Variants in ERVW-1 observed in about 807,000 individuals in gnomAD.
ERVW-1 encodes syncytin-1.
ERVW-1 carries 21 observed loss-of-function variants against 16.6 expected under a neutral mutation model. The ratio of observed to expected loss-of-function variants is 1.26; its 90% CI spans 0.90 to 1.82. The LOEUF is 1.82. Among genes scored for constraint, ERVW-1 ranks in the 40% most tolerant of loss-of-function variants. The probability of loss-of-function intolerance (pLI) is 0.00; values close to 1 mark genes in which losing one functional copy is unlikely to be tolerated. For missense variants in ERVW-1, 412 were observed against 300.2 expected (o/e 1.37, Z -2.75); for synonymous variants, 161 against 109.8 (o/e 1.47, Z -2.92).
At chr7:92,471,804 G>A (rs1354027769) in intron 1 of ERVW-1, 1 of 152,218 alleles carries the variant, frequency 6.6e-6, no homozygotes, top group Non-Finnish European at 1.5e-5. Flanking sequence ...TCTCTCAGAA[G>A]TTAGGAATTC....
chr7:92,472,003 C>A (rs1160021862), intron 1 of ERVW-1: 1 of 152,246 alleles, frequency 6.6e-6, no homozygotes, highest in Non-Finnish European at 1.5e-5. Flanking sequence ...CTGACCACTG[C>A]ATACCCCACT....
At chr7:92,474,412 C>T (rs1790460659) in intron 1 of ERVW-1, among the ~76,000 whole-genome samples, 1 of 152,190 alleles carries the variant, frequency 6.6e-6, no homozygotes, top group South Asian at 2.1e-4. Context: ...ATTTTCTTCC[C>T]TTCCCTGTGT....
rs1420763149 is a variant in ERVW-1 at position 92,470,478 on chromosome 7, T to C, written c.-97A>G. 1.7e-6 allele frequency: 1 copy of C among 601,718 alleles called. No individual in the cohort carries two copies. The highest frequency in any genetic ancestry group is 3.1e-5 in the Admixed American group (1 of 31,940). The allele number at this position is 601,718 out of a possible 1,614,324, so 37.3% of individuals were successfully genotyped here. On this transcript the variant is annotated 5_prime_UTR_variant, in exon 2 of 2. Coordinates refer to ENST00000603053, the MANE Select transcript of ERVW-1 (RefSeq NM_001130925.2). ...CACAGGAATAGCTAGCGTTGTCTCCTGGATTTTCAGGTTCCTTTGGCAGTA... is the reference window on the plus strand; with the variant it reads ...CACAGGAATAGCTAGCGTTGTCTCCCGGATTTTCAGGTTCCTTTGGCAGTA...
intron 1 of ERVW-1, among the ~76,000 whole-genome samples, chr7:92,476,639 C>T (rs967506355): frequency 1.7e-4 from 26 of 152,078 alleles, no homozygotes; most frequent in Non-Finnish European, 1.5e-5. Context: ...TTCTGTCTCT[C>T]TCACTGTCTC....
intron 1 of ERVW-1, chr7:92,474,797 A>G (rs1222118828): frequency 6.6e-6 from 1 of 152,182 alleles, no homozygotes; most frequent in South Asian, 2.1e-4. Context: ...AATTTACCTA[A>G]GTCTGTTTTT....
At chr7:92,472,641 G>A (rs1351670936) in intron 1 of ERVW-1, 1 of 152,220 alleles carries the variant, frequency 6.6e-6, no homozygotes, top group African/African-American at 2.4e-5. Context: ...CTTAATTAGT[G>A]TATTTAATGA....
intron 1 of ERVW-1, chr7:92,475,182 G>A (rs1283055098): frequency 6.6e-6 from 1 of 152,120 alleles, no homozygotes; most frequent in Non-Finnish European, 1.5e-5. Flanking sequence ...CTTCCCTCAG[G>A]AGTGCCAGGC....
rs1175905128 is a variant in ERVW-1 at position 92,468,935 on chromosome 7, CA to C, written c.1446del (p.Val483Ter). 1.3e-6 allele frequency: 1 copy of C among 764,070 alleles called. No homozygotes were observed. The highest frequency in any genetic ancestry group is 1.7e-5 in the Admixed American group (1 of 59,030). The allele number at this position is 764,070 out of a possible 1,614,324, so 47.3% of individuals were successfully genotyped here. ...ATCTTGGGCTCCATTTGTAGTTTTA[CA>C]GCTTCGATTCTGGAAGAGACAAAGT... ...LVNFVSSRIEAVKLQMEPKMQ... is the reference protein window; with the variant it reads ...LVNFVSSRIEXVKLQMEPKMQ... On this transcript the variant is annotated frameshift_variant, in exon 2 of 2. Transcript: ENST00000603053. LOFTEE classifies it high-confidence loss of function.
In ERVW-1 at chr7:92,468,577, G is replaced by A. The variant is rs544641406; in HGVS notation, c.*188C>T. 2.1e-6 allele frequency: 1 copy of A among 475,030 alleles called. No homozygotes were observed. Among genetic ancestry groups the A allele is most frequent in the African/African-American group, 2.0e-5 (1 of 50,646 alleles). The allele number at this position is 475,030 out of a possible 1,614,324, so 29.4% of individuals were successfully genotyped here. A position where few individuals can be genotyped will look rare whatever the true frequency, so the allele number is the denominator to read the frequency against. ...CTGTCTTTGCCTAATTAGCATTTTAGTGAGCTCTCTGATTGGTCAGGTGTG... is the reference window on the plus strand; with the variant it reads ...CTGTCTTTGCCTAATTAGCATTTTAATGAGCTCTCTGATTGGTCAGGTGTG... On this transcript the variant is annotated 3_prime_UTR_variant, in exon 2 of 2. Transcript: ENST00000603053.
rs141363371 is a variant in ERVW-1 at position 92,470,322 on chromosome 7, A to G, written c.60T>C (p.Thr20=). Residue 20 remains threonine, a synonymous_variant, in exon 2 of 2, where the codon ACT becomes ACC. Transcript: ENST00000603053. The part of the protein sequence containing the change: ...FTVLLPSFTL[T]APPPCRCMTS... ...TCATACAGCGGCATGGAGGGGGTGC[A>G]GTGAGAGTGAAAGAGGGTAAAAGAA... is the stretch of plus-strand genomic sequence containing the variant. The G allele has an allele frequency of 2.6e-5, 20 of 771,278 alleles. No homozygotes were observed. Among genetic ancestry groups the G allele is most frequent in the South Asian group, 1.5e-4 (11 of 73,194 alleles). The allele number at this position is 771,278 out of a possible 1,614,324, so 47.8% of individuals were successfully genotyped here.
intron 1 of ERVW-1, among the ~76,000 whole-genome samples, chr7:92,476,847 G>T (rs1391895512): frequency 6.6e-6 from 1 of 152,164 alleles, no homozygotes; most frequent in Non-Finnish European, 1.5e-5. Context: ...TATAGCCTAG[G>T]TGCCTAAGGA....
At chr7:92,476,411 T>C (rs1790544876) in intron 1 of ERVW-1, among the ~76,000 whole-genome samples, 1 of 152,200 alleles carries the variant, frequency 6.6e-6, no homozygotes, top group African/African-American at 2.4e-5. Context: ...AAGCTACGGG[T>C]TGTCAATGGC....
At chr7:92,476,090 C>T (rs537154453) in intron 1 of ERVW-1, among the ~76,000 whole-genome samples, 2 of 152,202 alleles carry the variant, frequency 1.3e-5, no homozygotes, top group Non-Finnish European at 2.9e-5. Flanking sequence ...GGAGTTCCGC[C>T]TAGGTCTGGT....
Position 92,469,857 on chromosome 7 carries a change from G to A in ERVW-1, c.525C>T (p.Leu175=), listed in dbSNP as rs750023289. 1.0e-5 allele frequency: 8 copies of A among 775,698 alleles called. No individual in the cohort carries two copies. Among genetic ancestry groups the A allele is most frequent in the African/African-American group, 1.7e-5 (1 of 59,070 alleles). The allele number at this position is 775,698 out of a possible 1,614,324, so 48.1% of individuals were successfully genotyped here. A position where few individuals can be genotyped will look rare whatever the true frequency, so the allele number is the denominator to read the frequency against. ...TAGGGTTTTGGGCCGAGACCTCATG[G>A]AGCCCAGTGAGGGTGGTATTAAATA... The part of the protein sequence containing the change: ...VSLFNTTLTG[L]HEVSAQNPTN... Residue 175 remains leucine (L), a synonymous_variant, in exon 2 of 2, where the codon CTC becomes CTT. Coordinates refer to ENST00000603053, the MANE Select transcript of ERVW-1 (RefSeq NM_001130925.2).
In ERVW-1 at chr7:92,468,486, A is replaced by G. The variant is rs938038396; in HGVS notation, c.*279T>C. The G allele has an allele frequency of 3.7e-6, 1 of 268,686 alleles. No individual in the cohort carries two copies. Among genetic ancestry groups the G allele is most frequent in the Admixed American group, 4.9e-5 (1 of 20,606 alleles). The allele number at this position is 268,686 out of a possible 1,614,324, so 16.6% of individuals were successfully genotyped here. A position where few individuals can be genotyped will look rare whatever the true frequency, so the allele number is the denominator to read the frequency against. On this transcript the variant is annotated 3_prime_UTR_variant, in exon 2 of 2. Coordinates refer to ENST00000603053, the MANE Select transcript of ERVW-1 (RefSeq NM_001130925.2). The stretch of plus-strand genomic sequence containing the variant: ...GTTGCCGGCTCGAAGACTTGGGTTT[A>G]TATCCCGATCATTGTCCCTCCTGCT...
chr7:92,468,864 AGCAGG>A lies in ERVW-1; in HGVS notation c.1513_1517del (p.Pro505Ter). 1 of 764,440 alleles carries A rather than the reference AGCAGG, an allele frequency of 1.3e-6. No homozygotes were observed. Among genetic ancestry groups the A allele is most frequent in the Non-Finnish European group, 2.4e-6 (1 of 417,864 alleles). The allele number at this position is 764,440 out of a possible 1,614,324, so 47.4% of individuals were successfully genotyped here. On this transcript the variant is annotated frameshift_variant, in exon 2 of 2. Transcript: ENST00000603053. LOFTEE classifies it high-confidence loss of function. ...TGTCATTAACATCAGATCGTGGGCT[AGCAGG>A]CCGGTCCAGGGGTCTGCGGTAGATC...
intron 1 of ERVW-1, among the ~76,000 whole-genome samples, chr7:92,473,779 A>G (rs899869809): frequency 3.0e-4 from 46 of 151,880 alleles, no homozygotes; most frequent in Non-Finnish European, 2.9e-5. Context: ...GACTAAGAAG[A>G]CCGCACCAGT....
intron 1 of ERVW-1, among the ~76,000 whole-genome samples, chr7:92,475,750 CAG>C (rs1474937729): frequency 6.6e-6 from 1 of 152,206 alleles, no homozygotes; most frequent in Non-Finnish European, 1.5e-5. Context: ...CCTTTGCGCT[CAG>C]GGGTGAGTCC....
chr7:92,475,209 A>G (rs1020540154), intron 1 of ERVW-1: 5 of 152,190 alleles, frequency 3.3e-5, no homozygotes, highest in African/African-American at 1.2e-4. Context: ...GCAGAAGAAT[A>G]TAAGTCGTTT....
Sources: allele counts gnomAD v4.1 joint callset (sites outside exome capture counted in the v4.1 genomes callset), GRCh38; gene constraint gnomAD v4.1.1; transcripts MANE v1.5; gene names NCBI Gene and HGNC (gene_info 2026-07-23, HGNC 2026-07-21).